DNAH14: variants seen among roughly 807,000 people sequenced by gnomAD.
DNAH14 encodes the protein dynein axonemal heavy chain 14.
A neutral mutation model predicts 520.9 loss-of-function variants in DNAH14; 478 were observed. That is an observed-to-expected ratio of 0.92 (90% CI 0.85 to 0.99). DNAH14 has a LOEUF of 0.99. Ranked by LOEUF, DNAH14 falls within the 50% of genes least tolerant of loss-of-function variation. The probability of loss-of-function intolerance (pLI) is 0.00; values close to 1 mark genes in which losing one functional copy is unlikely to be tolerated. For synonymous variants in DNAH14, 1,581 were observed against 1,757.2 expected (o/e 0.90, Z 2.51); for missense variants, 4,831 against 5,234.5 (o/e 0.92, Z 2.38).
intron 34 of DNAH14, among the ~76,000 whole-genome samples, chr1:225,154,101 AT>A (rs1559121041): frequency 6.6e-6 from 1 of 152,124 alleles, no homozygotes; most frequent in Non-Finnish European, 1.5e-5. Context: ...TAGAAGAATA[AT>A]AACTCAATGA....
At chr1:225,133,444 T>C (rs897309096) in intron 27 of DNAH14, among the ~76,000 whole-genome samples, 1 of 152,208 alleles carries the variant, frequency 6.6e-6, no homozygotes, top group Non-Finnish European at 1.5e-5. Context: ...TTTCTAGATA[T>C]GGCTAGCCAT....
intron 71 of DNAH14, 143 bp downstream of exon 71, chr1:225,346,797 A>AT: frequency 3.4e-6 from 2 of 580,264 alleles, no homozygotes; most frequent in Non-Finnish European, 5.9e-6. Flanking sequence ...TTACTCAATA[A>AT]TTTTTTAATG....
chr1:225,278,508 A>G (rs1441643555), intron 54 of DNAH14, among the ~76,000 whole-genome samples: 2 of 152,014 alleles, frequency 1.3e-5, no homozygotes, highest in African/African-American at 4.8e-5. Flanking sequence ...TCTTCCCCTC[A>G]GTCCCTATTA....
chr1:225,110,246 A>T (rs1010707660), intron 23 of DNAH14, among the ~76,000 whole-genome samples: 6 of 151,956 alleles, frequency 3.9e-5, no homozygotes, highest in Non-Finnish European at 8.8e-5. Context: ...AGACTTTATG[A>T]GGATTGGTAT....
intron 38 of DNAH14, among the ~76,000 whole-genome samples, chr1:225,194,514 C>T (rs185721357): frequency 1.7e-4 from 26 of 152,122 alleles, no homozygotes; most frequent in African/African-American, 6.0e-4. Flanking sequence ...CTTCCTTTCA[C>T]GATATACAAA....
chr1:225,294,930 G>A (rs189245763), intron 55 of DNAH14, among the ~76,000 whole-genome samples: 5 of 151,882 alleles, frequency 3.3e-5, no homozygotes, highest in Non-Finnish European at 7.4e-5. Context: ...TTTTATTACT[G>A]ATCAATCTTG....
intron 42 of DNAH14, among the ~76,000 whole-genome samples, chr1:225,239,877 A>G (rs760555994): frequency 6.6e-6 from 1 of 152,226 alleles, no homozygotes; most frequent in Non-Finnish European, 1.5e-5. Context: ...CAATTTATAA[A>G]TAGTTTTATG....
intron 10 of DNAH14, among the ~76,000 whole-genome samples, chr1:225,008,322 C>T (rs1346476850): frequency 1.3e-5 from 2 of 152,108 alleles, no homozygotes; most frequent in Non-Finnish European, 2.9e-5. Context: ...TCCAGTCTAA[C>T]ATTAATGGGC....
Position 225,192,900 on chromosome 1 carries a change from G to T in DNAH14, c.5875G>T (p.Asp1959Tyr), listed in dbSNP as rs777216832. Residue 1959 changes from aspartate (D) to tyrosine (Y), a missense_variant, in exon 38 of 86, where the codon GAT (aspartate) becomes TAT (tyrosine). Transcript: ENST00000682510. ...IDLRLKSRIS[D>Y]LSNVFKLDSS... ...TCTCAGACTAAAGTCAAGAATCTCAGATTTATCCAATGTAAGTTTAGTATT... is the reference window on the plus strand; with the variant it reads ...TCTCAGACTAAAGTCAAGAATCTCATATTTATCCAATGTAAGTTTAGTATT... 1.6e-5 allele frequency: 25 copies of T among 1,546,658 alleles called. No individual in the cohort carries two copies. Among genetic ancestry groups the T allele is most frequent in the Non-Finnish European group, 2.1e-5 (24 of 1,144,026 alleles).
intron 38 of DNAH14, among the ~76,000 whole-genome samples, chr1:225,199,990 A>G (rs2149391347): frequency 6.6e-6 from 1 of 152,196 alleles, no homozygotes; most frequent in Non-Finnish European, 1.5e-5. Flanking sequence ...TCTATTTGTA[A>G]TCATTTTATA....
chr1:225,031,947 G>A (rs2066561458), intron 11 of DNAH14, among the ~76,000 whole-genome samples: 1 of 151,922 alleles, frequency 6.6e-6, no homozygotes, highest in Non-Finnish European at 1.5e-5. Context: ...CAGTAATGCT[G>A]GGAAAGAGTT....
chr1:225,314,819 T>A (rs906687932), intron 60 of DNAH14, among the ~76,000 whole-genome samples: 5 of 152,242 alleles, frequency 3.3e-5, no homozygotes, highest in Non-Finnish European at 7.3e-5. Flanking sequence ...GTTAGTCTGA[T>A]GGGCTTCCCT....
chr1:225,246,425 C>G (rs750332002), intron 43 of DNAH14, among the ~76,000 whole-genome samples: 2 of 152,138 alleles, frequency 1.3e-5, no homozygotes, highest in Admixed American at 6.6e-5. Flanking sequence ...AAGAAACTAT[C>G]ATCAGAGTGA....
chr1:225,120,572 T>C (rs527344187), intron 26 of DNAH14, among the ~76,000 whole-genome samples: 4 of 152,306 alleles, frequency 2.6e-5, no homozygotes, highest in African/African-American at 7.2e-5. Flanking sequence ...CTTCCCAAGG[T>C]TGGTTCAGCC....
intron 53 of DNAH14, among the ~76,000 whole-genome samples, chr1:225,276,725 C>T (rs898513489): frequency 6.6e-6 from 1 of 151,022 alleles, no homozygotes; most frequent in Non-Finnish European, 1.5e-5. Flanking sequence ...TAATGAAACC[C>T]TATCTCCACA....
chr1:225,099,370 T>C (rs1316900443), intron 22 of DNAH14, among the ~76,000 whole-genome samples: 4 of 152,134 alleles, frequency 2.6e-5, no homozygotes, highest in Non-Finnish European at 5.9e-5. Flanking sequence ...GAATACATGG[T>C]TATCTTAGAC....
intron 60 of DNAH14, among the ~76,000 whole-genome samples, chr1:225,309,305 G>A (rs937886422): frequency 4.6e-5 from 7 of 152,094 alleles, no homozygotes; most frequent in Admixed American, 4.6e-4. Flanking sequence ...TCCATTATTA[G>A]CATTGCTTTC....
rs924843351 is a variant in DNAH14, at chr1:225,276,101, A to G, written c.8178+20A>G. On this transcript the variant is annotated intron_variant, in intron 53 of 85. Coordinates refer to ENST00000682510, the MANE Select transcript of DNAH14 (RefSeq NM_001367479.1). ...TTGGAGGTAAACATATATACTATAT[A>G]AAAATCTGAGGAGTGCTATATATGT... 8.1e-6 allele frequency: 2 copies of G among 245,972 alleles called. No homozygotes were observed. The highest frequency in any genetic ancestry group is 1.7e-5 in the Non-Finnish European group (2 of 115,440). The allele number at this position is 245,972 out of a possible 1,614,324, so 15.2% of individuals were successfully genotyped here.
intron 34 of DNAH14, among the ~76,000 whole-genome samples, chr1:225,156,324 T>C (rs2081036651): frequency 6.6e-6 from 1 of 152,186 alleles, no homozygotes; most frequent in South Asian, 2.1e-4. Context: ...ATGTATTTCC[T>C]CACAGGACCT....
Sources: allele counts gnomAD v4.1 joint callset (sites outside exome capture counted in the v4.1 genomes callset), GRCh38; gene constraint gnomAD v4.1.1; transcripts MANE v1.5; gene names NCBI Gene and HGNC (gene_info 2026-07-23, HGNC 2026-07-21).